The following CAPN3 variants were observed in gnomAD, a reference collection of about 807,000 sequenced individuals.
CAPN3 encodes calpain-3.
CAPN3 carries 88 observed loss-of-function variants against 114.0 expected under a neutral mutation model. That is an observed-to-expected ratio of 0.77 (90% confidence interval 0.65 to 0.92). CAPN3 has a LOEUF of 0.92. Ranked by LOEUF, CAPN3 falls within the 40% of genes least tolerant of loss-of-function variation. The pLI is 0.00. For synonymous variants in CAPN3, 386 were observed against 382.9 expected (o/e 1.01, Z -0.09); for missense variants, 1,028 against 1,069.0 (o/e 0.96, Z 0.53).
chr15:42,368,205 C>G (rs2052838351), intron 1 of CAPN3, among the ~76,000 whole-genome samples: 2 of 152,182 alleles, frequency 1.3e-5, no homozygotes, highest in Admixed American at 1.3e-4. Flanking sequence ...TCTGAGTCAC[C>G]CCACATGCCT....
chr15:42,380,276 G>T (rs2053200419), intron 1 of CAPN3, among the ~76,000 whole-genome samples: 1 of 145,512 alleles, frequency 6.9e-6, no homozygotes, highest in Non-Finnish European at 1.5e-5. Context: ...TATTGCATTT[G>T]TTCTTGTCCC....
chr15:42,405,300 TTTA>T (rs1403583628), intron 14 of CAPN3, among the ~76,000 whole-genome samples: 4 of 152,196 alleles, frequency 2.6e-5, no homozygotes, highest in African/African-American at 9.7e-5. Flanking sequence ...ATTTCATTTT[TTTA>T]TTATTTATTT....
chr15:42,399,012 T>C (rs2053788356), intron 9 of CAPN3, among the ~76,000 whole-genome samples: 1 of 152,110 alleles, frequency 6.6e-6, no homozygotes, highest in Non-Finnish European at 1.5e-5. Flanking sequence ...CTCAAACTCC[T>C]AGCCTCAGGT....
At chr15:42,389,362 C>T (rs1226299389) in intron 5 of CAPN3, among the ~76,000 whole-genome samples, 1 of 152,176 alleles carries the variant, frequency 6.6e-6, no homozygotes, top group East Asian at 1.9e-4. Flanking sequence ...GTGGAGGCCT[C>T]CCTTGCTGGT....
intron 1 of CAPN3, among the ~76,000 whole-genome samples, chr15:42,367,157 C>T (rs1279023095): frequency 6.6e-6 from 1 of 152,116 alleles, no homozygotes; most frequent in Non-Finnish European, 1.5e-5. Context: ...TTTCCGAGTG[C>T]TTGTGAAACT....
At chr15:42,385,543 G>A (rs1595818793) in intron 2 of CAPN3, 15 of 364,412 alleles carry the variant, frequency 4.1e-5, no homozygotes, top group South Asian at 1.4e-4. Flanking sequence ...GAGAGAGAGA[G>A]AGAGAGAGAG....
chr15:42,367,642 A>C (rs1254066580), intron 1 of CAPN3, among the ~76,000 whole-genome samples: 1 of 152,218 alleles, frequency 6.6e-6, no homozygotes, highest in Non-Finnish European at 1.5e-5. Flanking sequence ...TTTAAAGAGA[A>C]AAGGATGGCT....
At chr15:42,364,136 AG>A (rs2052719996) in intron 1 of CAPN3, among the ~76,000 whole-genome samples, 1 of 152,186 alleles carries the variant, frequency 6.6e-6, no homozygotes, top group Non-Finnish European at 1.5e-5. Context: ...AGCCTCTATA[AG>A]TTGGAGATGG....
chr15:42,394,460 C>T (rs1171925888), intron 8 of CAPN3, 119 bp downstream of exon 8: 9 of 829,306 alleles, frequency 1.1e-5, no homozygotes, highest in Non-Finnish European at 1.6e-5. Context: ...ACCCTCAAAA[C>T]CAATGATCCG....
chr15:42,406,522 A>G (rs1338385503), intron 15 of CAPN3, among the ~76,000 whole-genome samples: 1 of 151,930 alleles, frequency 6.6e-6, no homozygotes, highest in African/African-American at 2.4e-5. Context: ...TTCCCCCCCA[A>G]TTATAACAGT....
intron 8 of CAPN3, 57 bp downstream of exon 8, chr15:42,394,398 G>C (rs909413938): frequency 5.9e-6 from 8 of 1,359,794 alleles, no homozygotes; most frequent in Non-Finnish European, 7.2e-6. Flanking sequence ...CCGGGACAAG[G>C]CTGTGTTGGG....
intron 1 of CAPN3, among the ~76,000 whole-genome samples, chr15:42,377,356 A>C (rs965991970): frequency 6.6e-6 from 1 of 152,144 alleles, no homozygotes; most frequent in Non-Finnish European, 1.5e-5. Flanking sequence ...CTCTCTTCCT[A>C]GTTAGCTGAG....
At chr15:42,370,973 GGCAAA>G (rs2052929662) in intron 1 of CAPN3, among the ~76,000 whole-genome samples, 1 of 152,130 alleles carries the variant, frequency 6.6e-6, no homozygotes, top group Admixed American at 6.5e-5. Flanking sequence ...TGTGACCTCA[GGCAAA>G]TTATTGACCA....
In CAPN3 at chr15:42,359,919, C is replaced by T. The variant is rs770012991; in HGVS notation, c.114C>T (p.Asn38=). The stretch of plus-strand genomic sequence containing the variant: ...AGGCCACTGAGGCTGGGGGTGGAAA[C>T]CCAAGTGGCATCTATTCAGCCATCA... ...QSKATEAGGG[N]PSGIYSAIIS... The change falls in exon 1 of 24, where the codon AAC becomes AAT. Residue 38 remains asparagine (N), a synonymous_variant. Transcript: ENST00000397163. 1 of 1,614,208 alleles carries T rather than the reference C, an allele frequency of 6.2e-7. No homozygotes were observed. Among genetic ancestry groups the T allele is most frequent in the Non-Finnish European group, 8.5e-7 (1 of 1,180,038 alleles).
chr15:42,397,400 G>A (rs2053727524), intron 9 of CAPN3, among the ~76,000 whole-genome samples: 1 of 152,188 alleles, frequency 6.6e-6, no homozygotes, highest in African/African-American at 2.4e-5. Flanking sequence ...CCAGCACTTT[G>A]GGAGGCCGAG....
At chr15:42,367,475 C>T (rs928241272) in intron 1 of CAPN3, among the ~76,000 whole-genome samples, 38 of 152,188 alleles carry the variant, frequency 2.5e-4, no homozygotes, top group African/African-American at 7.5e-4. Context: ...TTTAAACAAT[C>T]ACCATCAGAA....
intron 1 of CAPN3, among the ~76,000 whole-genome samples, chr15:42,371,321 G>C (rs966131256): frequency 1.3e-5 from 2 of 152,122 alleles, no homozygotes; most frequent in African/African-American, 4.8e-5. Flanking sequence ...TCATGATGGG[G>C]ACAGAGCTGT....
intron 6 of CAPN3, among the ~76,000 whole-genome samples, chr15:42,391,288 C>T (rs1167045784): frequency 6.6e-6 from 1 of 152,130 alleles, no homozygotes; most frequent in African/African-American, 2.4e-5. Flanking sequence ...CCAATAGATA[C>T]ATCTTTGTAT....
At chr15:42,385,896 G>T (rs767885964) in intron 2 of CAPN3, 1 of 671,114 alleles carries the variant, frequency 1.5e-6, no homozygotes, top group Admixed American at 1.8e-5. Context: ...AAGGAAGTGA[G>T]TTTATACTGC....
Sources: gnomAD v4.1 joint callset for allele counts (sites outside exome capture counted in the v4.1 genomes callset) on GRCh38, gnomAD v4.1.1 for gene constraint, MANE v1.5 for transcripts, NCBI Gene and HGNC (gene_info 2026-07-23, HGNC 2026-07-21) for gene names.